Variants in DPP10 observed in about 807,000 individuals in gnomAD.
The protein encoded by DPP10 is dipeptidyl peptidase like 10, also known as inactive dipeptidyl peptidase 10.
In DPP10, 33 loss-of-function variants were observed where a neutral mutation model predicts 120.9. That is an observed-to-expected ratio of 0.27 (90% CI 0.21 to 0.37). DPP10 has a LOEUF of 0.37. Ranked by LOEUF, DPP10 falls within the 10% of genes least tolerant of loss-of-function variation. The probability of loss-of-function intolerance (pLI) is 1.00; values close to 1 mark genes in which losing one functional copy is unlikely to be tolerated. For missense variants in DPP10, 816 were observed against 942.8 expected, an observed-to-expected ratio of 0.87 and a Z score of 1.76; for synonymous variants, 337 against 326.1, an observed-to-expected ratio of 1.03 and a Z score of -0.36.
At chr2:114,855,608 G>A (rs1188935166) in intron 1 of DPP10, among the ~76,000 whole-genome samples, 1 of 152,134 alleles carries the variant, frequency 6.6e-6, no homozygotes, top group East Asian at 1.9e-4. Context: ...TTCACATACA[G>A]CCTAAGTTGT....
At chr2:115,102,043 CT>C (rs2048714059) in intron 1 of DPP10, among the ~76,000 whole-genome samples, 1 of 152,196 alleles carries the variant, frequency 6.6e-6, no homozygotes, top group Non-Finnish European at 1.5e-5. Flanking sequence ...GCTAGGGCTG[CT>C]ATAACAAAAT....
intron 5 of DPP10, among the ~76,000 whole-genome samples, chr2:115,562,431 CTT>C (rs1046057118): frequency 2.0e-5 from 3 of 152,168 alleles, no homozygotes; most frequent in African/African-American, 4.8e-5. Flanking sequence ...TTTCATCACT[CTT>C]ATCAGCATCC....
chr2:114,706,146 G>A (rs80114491), intron 1 of DPP10, among the ~76,000 whole-genome samples: 1,924 of 152,268 alleles, frequency 0.013, 51 homozygotes, highest in African/African-American at 0.045. Context: ...TGAAAGAGCT[G>A]CCTGGCCATA....
intron 1 of DPP10, among the ~76,000 whole-genome samples, chr2:114,886,016 T>G (rs184933816): frequency 3.2e-4 from 49 of 152,322 alleles, no homozygotes; most frequent in African/African-American, 1.2e-3. Flanking sequence ...CTGTTATCAT[T>G]AATGTAGTTT....
At position 115,217,539 on chromosome 2, in the gene DPP10, G is replaced by A. The variant is rs190701594; in HGVS notation, c.61-91700G>A. On this transcript the variant is annotated intron_variant, in intron 1 of 25. Transcript: ENST00000410059. ...GAAGCTAGCACATGTCAGAAACATA[G>A]TAGATATTTAATTAATTTAGGGTGA... Among the ~76,000 whole-genome samples, 228 of 152,276 alleles carry A rather than the reference G, an allele frequency of 1.5e-3. 2 individuals are homozygous for A. Among genetic ancestry groups the A allele is most frequent in the African/African-American group, 5.3e-3 (219 of 41,558 alleles).
intron 5 of DPP10, among the ~76,000 whole-genome samples, chr2:115,643,538 G>A (rs921134331): frequency 6.6e-6 from 1 of 152,166 alleles, no homozygotes; most frequent in Middle Eastern, 3.2e-3. Flanking sequence ...AAAAGGTTAG[G>A]TGTCTAACAG....
chr2:114,747,628 A>G (rs1370430771), intron 1 of DPP10, among the ~76,000 whole-genome samples: 5 of 152,210 alleles, frequency 3.3e-5, no homozygotes, highest in Non-Finnish European at 5.9e-5. Flanking sequence ...AGAAATTAGA[A>G]CTTTTCAGAA....
chr2:115,330,923 C>G (rs1388426332), intron 2 of DPP10, among the ~76,000 whole-genome samples: 2 of 151,896 alleles, frequency 1.3e-5, no homozygotes, highest in African/African-American at 2.4e-5. Flanking sequence ...TTTTTTGGTT[C>G]CATATGAACT....
intron 1 of DPP10, among the ~76,000 whole-genome samples, chr2:114,820,002 T>C (rs888909135): frequency 6.6e-6 from 1 of 152,250 alleles, no homozygotes; most frequent in Non-Finnish European, 1.5e-5. Context: ...TATGCTATAG[T>C]GCTTTGACCT....
At chr2:115,113,861 T>C (rs1396815443) in intron 1 of DPP10, among the ~76,000 whole-genome samples, 1 of 152,208 alleles carries the variant, frequency 6.6e-6, no homozygotes, top group Non-Finnish European at 1.5e-5. Flanking sequence ...TTTTGTGTAT[T>C]GCCCTATTGA....
chr2:114,582,845 T>G (rs560633496), intron 1 of DPP10, among the ~76,000 whole-genome samples: 8 of 152,186 alleles, frequency 5.3e-5, no homozygotes, highest in Non-Finnish European at 1.2e-4. Context: ...TGAACTCAAC[T>G]TGGCTGTACA....
intron 7 of DPP10, among the ~76,000 whole-genome samples, chr2:115,695,622 C>T (rs2091543081): frequency 6.6e-6 from 1 of 152,114 alleles, no homozygotes; most frequent in South Asian, 2.1e-4. Flanking sequence ...CCCACCAAGT[C>T]CCTACCATGA....
chr2:115,132,916 C>T (rs1184186367), intron 1 of DPP10, among the ~76,000 whole-genome samples: 1 of 151,720 alleles, frequency 6.6e-6, no homozygotes, highest in African/African-American at 2.4e-5. Context: ...TTCTGTCATT[C>T]CAGAATTCTC....
chr2:114,705,998 A>C (rs1700663746), intron 1 of DPP10, among the ~76,000 whole-genome samples: 1 of 152,118 alleles, frequency 6.6e-6, no homozygotes, highest in Non-Finnish European at 1.5e-5. Context: ...AGGAGGAGAG[A>C]GTGTCATTGT....
chr2:115,181,258 A>G (rs1013832509), intron 1 of DPP10, among the ~76,000 whole-genome samples: 2 of 152,212 alleles, frequency 1.3e-5, no homozygotes, highest in African/African-American at 2.4e-5. Flanking sequence ...AGATATTGAG[A>G]AAGTATTTTA....
chr2:115,668,989 G>T (rs2089670041), intron 5 of DPP10, among the ~76,000 whole-genome samples: 1 of 151,940 alleles, frequency 6.6e-6, no homozygotes, highest in South Asian at 2.1e-4. Flanking sequence ...CCTTCCCTTA[G>T]GATTTTTTTT....
At chr2:114,891,240 C>T (rs187239554) in intron 1 of DPP10, among the ~76,000 whole-genome samples, 2 of 151,990 alleles carry the variant, frequency 1.3e-5, no homozygotes, top group Non-Finnish European at 2.9e-5. Context: ...AAGAGACTAG[C>T]GTCAAGTGGG....
At chr2:115,331,139 C>A (rs1402619819) in intron 2 of DPP10, among the ~76,000 whole-genome samples, 4 of 152,266 alleles carry the variant, frequency 2.6e-5, no homozygotes, top group African/African-American at 7.2e-5. Context: ...AGAGGTCCTT[C>A]ACATCCCTTG....
At chr2:114,900,095 GT>G (rs1693424516) in intron 1 of DPP10, among the ~76,000 whole-genome samples, 1 of 152,176 alleles carries the variant, frequency 6.6e-6, no homozygotes, top group Non-Finnish European at 1.5e-5. Context: ...GGACATTTGG[GT>G]TATTTCCAAT....
Sources: allele counts gnomAD v4.1 joint callset (sites outside exome capture counted in the v4.1 genomes callset), GRCh38; gene constraint gnomAD v4.1.1; transcripts MANE v1.5; gene names NCBI Gene and HGNC (gene_info 2026-07-23, HGNC 2026-07-21).